The following EYA2 variants were observed in gnomAD, a reference collection of about 807,000 sequenced individuals.
EYA2 encodes EYA transcriptional coactivator and phosphatase 2, also known as protein phosphatase EYA2.
EYA2 carries 31 observed loss-of-function variants against 69.2 expected under a neutral mutation model. The observed-to-expected ratio is 0.45, with a 90% CI of 0.34 to 0.60. The LOEUF (loss-of-function observed/expected upper bound fraction) is 0.60. Ranked by LOEUF, EYA2 falls within the 20% of genes least tolerant of loss-of-function variation. The pLI, the probability that EYA2 is intolerant of heterozygous loss-of-function variation, is 0.02. For missense variants in EYA2, 622 were observed against 701.2 expected, an observed-to-expected ratio of 0.89 and a Z score of 1.28; for synonymous variants, 257 against 279.4, an observed-to-expected ratio of 0.92 and a Z score of 0.80.
intron 10 of EYA2, among the ~76,000 whole-genome samples, chr20:47,155,383 C>T (rs1043537280): frequency 6.6e-6 from 1 of 151,934 alleles, no homozygotes; most frequent in Admixed American, 6.5e-5. Flanking sequence ...GTTACTCCCA[C>T]ATGCTGAGTG....
chr20:47,095,448 A>T (rs1410071513), intron 8 of EYA2, among the ~76,000 whole-genome samples: 1 of 152,162 alleles, frequency 6.6e-6, no homozygotes, highest in Admixed American at 6.5e-5. Flanking sequence ...AAATTTTCAG[A>T]TCTGTAGAAA....
chr20:47,008,822 G>A (rs1257486043), intron 4 of EYA2, among the ~76,000 whole-genome samples: 2 of 152,168 alleles, frequency 1.3e-5, no homozygotes, highest in Non-Finnish European at 2.9e-5. Context: ...CATACAATGG[G>A]AGTAATACTA....
intron 10 of EYA2, among the ~76,000 whole-genome samples, chr20:47,163,133 G>A (rs567897609): frequency 3.9e-4 from 59 of 151,712 alleles, no homozygotes; most frequent in African/African-American, 1.3e-3. Flanking sequence ...GGGCTCAAGC[G>A]ATCCTCCTTT....
intron 10 of EYA2, among the ~76,000 whole-genome samples, chr20:47,144,560 A>C (rs1486683612): frequency 6.6e-6 from 1 of 152,244 alleles, no homozygotes; most frequent in Admixed American, 6.5e-5. Context: ...TTAGGAAAGC[A>C]TACAGATTTT....
rs2032268965 is a variant in EYA2, at chr20:47,097,067, T to C, written c.805-18T>C. ...GTGAGTCCATTTTTCTCCATTCTCTTCCTCTCTTTCATCACAGCGTGTGTT... is the reference window on the plus strand; with the variant it reads ...GTGAGTCCATTTTTCTCCATTCTCTCCCTCTCTTTCATCACAGCGTGTGTT... On this transcript the variant is annotated intron_variant, in intron 8 of 15. Coordinates refer to ENST00000327619, the MANE Select transcript of EYA2 (RefSeq NM_005244.5). 1 of 1,599,048 alleles carries C rather than the reference T, an allele frequency of 6.3e-7. No homozygotes were observed. Among genetic ancestry groups the C allele is most frequent in the East Asian group, 2.2e-5 (1 of 44,488 alleles).
intron 9 of EYA2, among the ~76,000 whole-genome samples, chr20:47,118,484 C>T (rs1410529027): frequency 1.8e-5 from 2 of 111,956 alleles, no homozygotes; most frequent in East Asian, 2.8e-4. Flanking sequence ...TGAGAGATGT[C>T]CCGGAGGTGA....
intron 1 of EYA2, among the ~76,000 whole-genome samples, chr20:46,981,076 A>T (rs989324140): frequency 3.3e-5 from 5 of 152,288 alleles, no homozygotes. Context: ...AGTTCACCAA[A>T]CAGGAATGAT....
At chr20:47,110,393 T>C (rs3787250) in intron 9 of EYA2, among the ~76,000 whole-genome samples, 51,194 of 150,226 alleles carry the variant, frequency 0.34, 9,782 homozygotes, top group Non-Finnish European at 0.43. Flanking sequence ...AGACATGCAC[T>C]ACCATGCCCA....
chr20:47,104,623 G>A lies in EYA2; in HGVS notation c.888+7455G>A, dbSNP rs192243366. ...AATTTGTGTGTATGATGTGAGGCAG[G>A]GGTGCAACCTCATTGTTTTACCTAT... On this transcript the variant is annotated intron_variant, in intron 9 of 15. Transcript: ENST00000327619. Among the ~76,000 whole-genome samples the A allele has an allele frequency of 6.1e-4, 93 of 152,240 alleles. 1 individual carries two copies. Among genetic ancestry groups the A allele is most frequent in the Admixed American group, 5.8e-3 (88 of 15,286 alleles).
At chr20:47,118,659 T>C (rs1187625904) in intron 9 of EYA2, among the ~76,000 whole-genome samples, 2 of 152,216 alleles carry the variant, frequency 1.3e-5, no homozygotes, top group Non-Finnish European at 2.9e-5. Flanking sequence ...AAAGATGGTT[T>C]GGGGTTGTCA....
chr20:46,918,706 T>C (rs78787183), intron 1 of EYA2, among the ~76,000 whole-genome samples: 3,960 of 152,288 alleles, frequency 0.026, 66 homozygotes, highest in East Asian at 0.09. Context: ...CTCCTGCTAA[T>C]ATTGATATTT....
intron 1 of EYA2, among the ~76,000 whole-genome samples, chr20:46,941,444 A>C (rs1986151124): frequency 6.6e-6 from 1 of 152,204 alleles, no homozygotes; most frequent in Non-Finnish European, 1.5e-5. Flanking sequence ...CAGTTTCAAA[A>C]TCCGCAAACT....
chr20:47,167,955 C>G (rs1332972289), intron 10 of EYA2, among the ~76,000 whole-genome samples: 1 of 152,106 alleles, frequency 6.6e-6, no homozygotes, highest in Admixed American at 6.5e-5. Context: ...TCATGGCATC[C>G]CCCTCTCCAG....
At chr20:47,135,847 AAACAAAC>A (rs1326226034) in intron 9 of EYA2, among the ~76,000 whole-genome samples, 67 of 71,582 alleles carry the variant, frequency 9.4e-4, no homozygotes, top group African/African-American at 1.2e-3. Flanking sequence ...AAAAACAAAC[AAACAAAC>A]AAAAAACTAA....
chr20:47,142,465 G>A (rs569778561), intron 9 of EYA2, among the ~76,000 whole-genome samples: 4 of 152,246 alleles, frequency 2.6e-5, no homozygotes, highest in African/African-American at 7.2e-5. Context: ...GAATGACTTC[G>A]TTTGTATAAT....
At chr20:47,179,948 A>T (rs1452745152) in intron 13 of EYA2, 36 bp downstream of exon 13, 1 of 1,518,700 alleles carries the variant, frequency 6.6e-7, no homozygotes, top group African/African-American at 1.4e-5. Flanking sequence ...TGTGCCACTG[A>T]ACTTTCTCGC....
At chr20:47,161,430 C>A (rs1318780574) in intron 10 of EYA2, 4 of 419,926 alleles carry the variant, frequency 9.5e-6, no homozygotes, top group Non-Finnish European at 1.8e-5. Context: ...GAGAGAAGCC[C>A]CCAGGAAAAA....
At chr20:47,026,276 A>G (rs1185424612) in intron 5 of EYA2, among the ~76,000 whole-genome samples, 1 of 152,198 alleles carries the variant, frequency 6.6e-6, no homozygotes, top group Non-Finnish European at 1.5e-5. Context: ...ACAAATCCAA[A>G]TGGATTGACG....
chr20:47,040,636 A>G (rs1321882748), intron 5 of EYA2, among the ~76,000 whole-genome samples: 1 of 152,240 alleles, frequency 6.6e-6, no homozygotes, highest in Non-Finnish European at 1.5e-5. Flanking sequence ...TTCTAATCAC[A>G]TCACACGCAT....
Sources: gnomAD v4.1 joint callset for allele counts (sites outside exome capture counted in the v4.1 genomes callset) on GRCh38, gnomAD v4.1.1 for gene constraint, MANE v1.5 for transcripts, NCBI Gene and HGNC (gene_info 2026-07-23, HGNC 2026-07-21) for gene names.